The following UBR3 variants were observed in gnomAD, a reference collection of about 807,000 sequenced individuals.
UBR3 encodes E3 ubiquitin-protein ligase UBR3.
UBR3 carries 85 observed loss-of-function variants against 243.2 expected under a neutral mutation model. The ratio of observed to expected loss-of-function variants is 0.35; its 90% CI spans 0.29 to 0.42. The LOEUF is 0.42. Among genes scored for constraint, UBR3 ranks in the 10% least tolerant of loss-of-function variants. The pLI, the probability that UBR3 is intolerant of heterozygous loss-of-function variation, is 1.00. For synonymous variants in UBR3, 748 were observed against 799.8 expected (o/e 0.94, Z 1.09); for missense variants, 1,686 against 2,300.8 (o/e 0.73, Z 5.47).
intron 5 of UBR3, among the ~76,000 whole-genome samples, chr2:169,885,846 A>G (rs1386385145): frequency 6.6e-6 from 1 of 152,054 alleles, no homozygotes; most frequent in Non-Finnish European, 1.5e-5. Context: ...AATCAGAGAT[A>G]CTTTTCATAA....
intron 1 of UBR3, among the ~76,000 whole-genome samples, chr2:169,836,489 C>T (rs925310534): frequency 1.3e-5 from 2 of 151,554 alleles, no homozygotes; most frequent in Non-Finnish European, 2.9e-5. Flanking sequence ...CCTGTTGGGT[C>T]GGGGGCAGGG....
intron 32 of UBR3, among the ~76,000 whole-genome samples, chr2:170,050,179 C>T (rs143239427): frequency 6.6e-6 from 1 of 152,214 alleles, no homozygotes; most frequent in Non-Finnish European, 1.5e-5. Flanking sequence ...CTTCACTCAT[C>T]AGAGAGAAAA....
At chr2:169,992,640 G>A (rs539669475) in intron 25 of UBR3, among the ~76,000 whole-genome samples, 17 of 152,060 alleles carry the variant, frequency 1.1e-4, no homozygotes, top group African/African-American at 3.4e-4. Flanking sequence ...CTTAAGGCCC[G>A]CAGTGATAAA....
intron 32 of UBR3, among the ~76,000 whole-genome samples, chr2:170,047,950 T>C (rs192898832): frequency 2.6e-4 from 39 of 152,278 alleles, no homozygotes; most frequent in African/African-American, 8.7e-4. Flanking sequence ...ACTCTTATTT[T>C]ACTTAATAAT....
At chr2:169,966,761 T>C (rs2087829660) in intron 24 of UBR3, among the ~76,000 whole-genome samples, 1 of 152,208 alleles carries the variant, frequency 6.6e-6, no homozygotes, top group African/African-American at 2.4e-5. Context: ...TGTACGTACA[T>C]TTAAAATGCT....
chr2:169,918,943 G>C (rs2085574974), intron 11 of UBR3, among the ~76,000 whole-genome samples: 1 of 152,200 alleles, frequency 6.6e-6, no homozygotes, highest in African/African-American at 2.4e-5. Context: ...CTTCTGTAAA[G>C]TTGTGACCAG....
Position 170,082,624 on chromosome 2 carries a change from TG to T in UBR3, c.*782del, listed in dbSNP as rs2091924510. ...CTAGAGGTAATAACAAATCTTACTA[TG>T]AAATCAAGAGGTTTAAGAACATACA... On this transcript the variant is annotated 3_prime_UTR_variant, in exon 39 of 39. Transcript: ENST00000272793. 6.6e-6 allele frequency: 1 copy of T among 152,632 alleles called. No individual in the cohort carries two copies. The highest frequency in any genetic ancestry group is 6.6e-5 in the Admixed American group (1 of 15,264). The allele number at this position is 152,632 out of a possible 1,614,324, so 9.5% of individuals were successfully genotyped here.
intron 1 of UBR3, among the ~76,000 whole-genome samples, chr2:169,856,833 G>A (rs1345515145): frequency 6.6e-6 from 1 of 151,408 alleles, no homozygotes; most frequent in Non-Finnish European, 1.5e-5. Context: ...AAAGGGGAGA[G>A]GGAGGGGGAG....
chr2:170,027,651 G>A (rs193154435), intron 30 of UBR3, among the ~76,000 whole-genome samples: 88 of 151,846 alleles, frequency 5.8e-4, no homozygotes, highest in African/African-American at 1.9e-3. Context: ...AAAGAATGCA[G>A]AACTCCTCAC....
chr2:170,079,603 G>A (rs978832266), intron 36 of UBR3, among the ~76,000 whole-genome samples: 1 of 152,030 alleles, frequency 6.6e-6, no homozygotes, highest in African/African-American at 2.4e-5. Flanking sequence ...AAATCATACT[G>A]TAATTGGAAA....
At chr2:169,878,654 A>G (rs2083708004) in intron 5 of UBR3, 80 bp downstream of exon 5, 4 of 1,250,598 alleles carry the variant, frequency 3.2e-6, no homozygotes, top group Admixed American at 2.2e-5. Context: ...ATACTTCTTT[A>G]TAGTTCTGAA....
At chr2:170,020,238 AAG>A (rs1270776542) in intron 30 of UBR3, among the ~76,000 whole-genome samples, 2 of 152,210 alleles carry the variant, frequency 1.3e-5, no homozygotes, top group East Asian at 1.9e-4. Flanking sequence ...TACCATAAAA[AAG>A]GAAAATTTGG....
At chr2:170,022,194 C>G (rs1050700240) in intron 30 of UBR3, among the ~76,000 whole-genome samples, 1 of 152,098 alleles carries the variant, frequency 6.6e-6, no homozygotes, top group South Asian at 2.1e-4. Flanking sequence ...GGCTTCTAGT[C>G]CCTGAAACCT....
At chr2:170,009,084 A>C in intron 29 of UBR3, 144 bp downstream of exon 29, 1 of 478,938 alleles carries the variant, frequency 2.1e-6, no homozygotes, top group South Asian at 5.5e-5. Context: ...GCCTGCTAGG[A>C]TAACTATAAC....
At chr2:169,925,420 A>T (rs2085871396) in intron 13 of UBR3, among the ~76,000 whole-genome samples, 199 bp from the exon 14 acceptor site, 1 of 152,220 alleles carries the variant, frequency 6.6e-6, no homozygotes, top group African/African-American at 2.4e-5. Context: ...TTAAACTCTA[A>T]AAAAGTGGCT....
chr2:170,044,488 T>C (rs78848843), intron 32 of UBR3, among the ~76,000 whole-genome samples: 118 of 152,294 alleles, frequency 7.7e-4, no homozygotes, highest in Middle Eastern at 3.4e-3. Context: ...TTGCATCTTA[T>C]GTTTCATAAT....
At chr2:169,981,974 T>C (rs1029597269) in intron 24 of UBR3, among the ~76,000 whole-genome samples, 3 of 152,310 alleles carry the variant, frequency 2.0e-5, no homozygotes, top group African/African-American at 4.8e-5. Flanking sequence ...TTGGCACTTA[T>C]CTGAGGGAAG....
intron 5 of UBR3, among the ~76,000 whole-genome samples, chr2:169,890,070 C>T (rs933277689): frequency 1.3e-5 from 2 of 152,088 alleles, no homozygotes; most frequent in African/African-American, 2.4e-5. Flanking sequence ...TATGTAACAT[C>T]CCTGGTTTAG....
intron 22 of UBR3, among the ~76,000 whole-genome samples, chr2:169,948,353 G>A (rs894049003): frequency 6.6e-6 from 1 of 151,550 alleles, no homozygotes; most frequent in Non-Finnish European, 1.5e-5. Flanking sequence ...TGCTTCTATG[G>A]CAATTAACTT....
Sources: gnomAD v4.1 joint callset for allele counts (sites outside exome capture counted in the v4.1 genomes callset) on GRCh38, gnomAD v4.1.1 for gene constraint, MANE v1.5 for transcripts, NCBI Gene and HGNC (gene_info 2026-07-23, HGNC 2026-07-21) for gene names.